Variants in KLRG2 observed in about 807,000 individuals in gnomAD.
KLRG2 encodes the protein killer cell lectin-like receptor subfamily G member 2.
KLRG2 carries 39 observed loss-of-function variants against 35.4 expected under a neutral mutation model. The ratio of observed to expected loss-of-function variants is 1.10; its 90% CI spans 0.85 to 1.44. KLRG2 has a LOEUF of 1.44. KLRG2 is among the 40% of genes most tolerant of loss of function. The pLI is 0.00. For missense variants in KLRG2, 632 were observed against 570.9 expected, an observed-to-expected ratio of 1.11 and a Z score of -1.09; for synonymous variants, 283 against 265.8, an observed-to-expected ratio of 1.06 and a Z score of -0.63.
intron 3 of KLRG2, among the ~76,000 whole-genome samples, chr7:139,466,740 T>TAAAATAAAA (rs149465589): frequency 0.19 from 26,939 of 138,322 alleles, 3,627 homozygotes; most frequent in African/African-American, 0.4. Flanking sequence ...CTGCTAAAAA[T>TAAAATAAAA]AAAATAAAAA....
In KLRG2 at chr7:139,483,101, G is replaced by C; in HGVS notation, c.542C>G (p.Thr181Arg). The part of the protein sequence containing the change: ...LLLRAPSQGG[T>R]WGRRSPLAAA... ...AGCCAGCGGCGAGCGGCGGCCCCAC[G>C]TGCCGCCCTGGGATGGTGCGCGCAG... The change falls in exon 1 of 5, where the codon ACG becomes AGG. Residue 181 changes from threonine to arginine, a missense_variant. Thr to Arg is a moderately conservative substitution (Grantham distance 71). Transcript: ENST00000340940. The C allele has an allele frequency of 6.9e-7, 1 of 1,440,198 alleles. No homozygotes were observed. The highest frequency in any genetic ancestry group is 9.0e-7 in the Non-Finnish European group (1 of 1,106,002). 89.2% of individuals were successfully genotyped at this position (1,440,198 alleles called of 1,614,324 possible).
At chr7:139,429,088 G>T in the KLRG2 span, among the ~76,000 whole-genome samples, 3 of 152,120 alleles carry the variant, frequency 2.0e-5, no homozygotes, top group African/African-American at 4.8e-5. Context: ...AGTGGATCAC[G>T]TGAGTTCAGG....
intron 3 of KLRG2, among the ~76,000 whole-genome samples, chr7:139,455,385 G>T (rs1052245189): frequency 6.7e-6 from 1 of 148,176 alleles, no homozygotes; most frequent in Non-Finnish European, 1.5e-5. Flanking sequence ...GCAGTGGCGC[G>T]ATCTCGGCTC....
intron 3 of KLRG2, among the ~76,000 whole-genome samples, chr7:139,458,926 C>T (rs1796523219): frequency 6.6e-6 from 1 of 152,208 alleles, no homozygotes; most frequent in Non-Finnish European, 1.5e-5. Context: ...GCGTGTGTGT[C>T]CTGTCCTCCC....
At chr7:139,473,431 C>T (rs1018139679) in intron 3 of KLRG2, among the ~76,000 whole-genome samples, 21 of 152,164 alleles carry the variant, frequency 1.4e-4, no homozygotes, top group African/African-American at 4.6e-4. Flanking sequence ...GCCTGATTCC[C>T]ATATGGTAAA....
chr7:139,476,603 C>T (rs994298729), intron 3 of KLRG2, among the ~76,000 whole-genome samples: 1 of 152,062 alleles, frequency 6.6e-6, no homozygotes, highest in Non-Finnish European at 1.5e-5. Context: ...CCATGCCTGG[C>T]TAATTTTTGT....
Position 139,483,281 on chromosome 7 carries a change from G to A in KLRG2, c.362C>T (p.Pro121Leu). 2 of 1,558,766 alleles carry A rather than the reference G, an allele frequency of 1.3e-6. No individual in the cohort carries two copies. The highest frequency in any genetic ancestry group is 1.7e-6 in the Non-Finnish European group (2 of 1,163,902). ...GAEPAPSAWA[P>L]MELQVDVRVK... is the part of the protein sequence containing the mutation. ...GCGCACATCTACCTGCAGCTCCATG[G>A]GCGCCCAGGCGCTGGGCGCAGGCTC... is the stretch of plus-strand genomic sequence containing the variant. The change falls in exon 1 of 5, where the codon CCC (proline) becomes CTC (leucine). Residue 121 changes from proline to leucine, a missense_variant. Pro to Leu is a moderately conservative substitution (Grantham distance 98). Transcript: ENST00000340940.
At position 139,483,665 on chromosome 7, in the gene KLRG2, G is replaced by A. The variant is rs1388740208; in HGVS notation, c.-23C>T. The A allele has an allele frequency of 2.0e-6, 3 of 1,472,966 alleles. No homozygotes were observed. Among genetic ancestry groups the A allele is most frequent in the East Asian group, 5.3e-5 (2 of 37,796 alleles). 91.2% of individuals were successfully genotyped at this position (1,472,966 alleles called of 1,614,324 possible). On this transcript the variant is annotated 5_prime_UTR_variant, in exon 1 of 5. Transcript: ENST00000340940. Reference sequence around the variant, plus strand: ...CATCCCGCGCGCCCCGCCACCCGGAGACGCTGAGGAGCGCACCTGGGCCCA... The same window carrying A: ...CATCCCGCGCGCCCCGCCACCCGGAAACGCTGAGGAGCGCACCTGGGCCCA...
the KLRG2 span, among the ~76,000 whole-genome samples, chr7:139,445,081 A>AT: frequency 2.5e-3 from 355 of 142,610 alleles, 2 homozygotes; most frequent in South Asian, 0.016. Flanking sequence ...CACTATTTCT[A>AT]TTTTTTTTTT....
At chr7:139,437,670 C>G in the KLRG2 span, among the ~76,000 whole-genome samples, 41 of 152,284 alleles carry the variant, frequency 2.7e-4, 2 homozygotes, top group South Asian at 8.3e-3. Flanking sequence ...ATTGGCCATG[C>G]TGGTCTCCAA....
downstream of KLRG2, among the ~76,000 whole-genome samples, chr7:139,450,986 A>G (rs182136519): frequency 1.3e-5 from 2 of 152,284 alleles, no homozygotes; most frequent in East Asian, 3.9e-4. Flanking sequence ...AGGAAGTCCA[A>G]GCAGCCATAT....
intron 3 of KLRG2, among the ~76,000 whole-genome samples, chr7:139,458,868 G>A (rs1007108905): frequency 2.6e-5 from 4 of 152,166 alleles, no homozygotes; most frequent in Admixed American, 2.0e-4. Context: ...CTGTACCTCT[G>A]GGCACCCTGG....
chr7:139,481,629 A>G (rs1335244873), intron 1 of KLRG2, among the ~76,000 whole-genome samples: 1 of 152,130 alleles, frequency 6.6e-6, no homozygotes, highest in Non-Finnish European at 1.5e-5. Context: ...TCACCTTTCA[A>G]GATGTGGCTT....
chr7:139,471,416 C>T (rs1012580023), intron 3 of KLRG2, among the ~76,000 whole-genome samples: 1 of 152,138 alleles, frequency 6.6e-6, no homozygotes, highest in Non-Finnish European at 1.5e-5. Flanking sequence ...AATCCTAGCA[C>T]TTTGGGAGCC....
intron 3 of KLRG2, among the ~76,000 whole-genome samples, chr7:139,475,197 G>A (rs1002946106): frequency 2.6e-5 from 4 of 152,148 alleles, no homozygotes; most frequent in South Asian, 4.1e-4. Context: ...GGGGGCTTCC[G>A]GATAGGCTGA....
intron 1 of KLRG2, 127 bp downstream of exon 1, chr7:139,482,759 T>A (rs1796982009): frequency 5.1e-6 from 4 of 783,358 alleles, no homozygotes; most frequent in Non-Finnish European, 7.1e-6. Context: ...GGGTTGGGGA[T>A]CGGGATGGCC....
the KLRG2 span, among the ~76,000 whole-genome samples, chr7:139,447,452 T>G: frequency 0.39 from 58,767 of 150,040 alleles, 16,259 homozygotes; most frequent in African/African-American, 0.79. Flanking sequence ...CCAGGCTGGA[T>G]TGCAGTGGTA....
At position 139,453,458 on chromosome 7, in the gene KLRG2, G is replaced by T; in HGVS notation, c.*129C>A. 1 of 940,840 alleles carries T rather than the reference G, an allele frequency of 1.1e-6. No individual in the cohort carries two copies. Among genetic ancestry groups the T allele is most frequent in the Non-Finnish European group, 1.6e-6 (1 of 641,522 alleles). The allele number at this position is 940,840 out of a possible 1,614,324, so 58.3% of individuals were successfully genotyped here. ...TCCAGCTCCTAGGCTCGCTCATGTG[G>T]CCCCCTTGAGCAGAGCATGAAGACC... On this transcript the variant is annotated 3_prime_UTR_variant, in exon 5 of 5. Coordinates refer to ENST00000340940, the MANE Select transcript of KLRG2 (RefSeq NM_198508.4).
At chr7:139,476,979 T>C (rs1364364211) in intron 3 of KLRG2, among the ~76,000 whole-genome samples, 1 of 152,112 alleles carries the variant, frequency 6.6e-6, no homozygotes, top group Non-Finnish European at 1.5e-5. Flanking sequence ...CATTATTGAA[T>C]CCCCCTTGCC....
Sources: gnomAD v4.1 joint callset for allele counts (sites outside exome capture counted in the v4.1 genomes callset) on GRCh38, gnomAD v4.1.1 for gene constraint, MANE v1.5 for transcripts, NCBI Gene and HGNC (gene_info 2026-07-23, HGNC 2026-07-21) for gene names.